INPP4B: variants seen among roughly 807,000 people sequenced by gnomAD.
INPP4B encodes inositol polyphosphate-4-phosphatase type II B.
Under a neutral mutation model 122.5 loss-of-function variants are expected in INPP4B, and 55 were observed. That is an observed-to-expected ratio of 0.45 (90% CI 0.36 to 0.56). INPP4B has a LOEUF of 0.56. Among genes scored for constraint, INPP4B ranks in the 20% least tolerant of loss-of-function variants. The pLI is 0.00. For synonymous variants in INPP4B, 403 were observed against 388.7 expected (o/e 1.04, Z -0.43); for missense variants, 1,000 against 1,097.7 (o/e 0.91, Z 1.26).
chr4:142,555,969 G>A (rs759556231), intron 2 of INPP4B, among the ~76,000 whole-genome samples: 1 of 151,996 alleles, frequency 6.6e-6, no homozygotes, highest in African/African-American at 2.4e-5. Context: ...AGATTTATAT[G>A]TATCTTTTCA....
intron 7 of INPP4B, among the ~76,000 whole-genome samples, chr4:142,372,571 A>C (rs1790323703): frequency 6.6e-6 from 1 of 152,092 alleles, no homozygotes; most frequent in South Asian, 2.1e-4. Flanking sequence ...AAAATATCAT[A>C]TGCATTGGGT....
chr4:142,320,073 C>T (rs546724542), intron 7 of INPP4B, among the ~76,000 whole-genome samples: 1 of 152,160 alleles, frequency 6.6e-6, no homozygotes, highest in Non-Finnish European at 1.5e-5. Flanking sequence ...GAACTGTGGT[C>T]TTCATTTTCT....
intron 1 of INPP4B, among the ~76,000 whole-genome samples, chr4:142,806,278 C>CAAAAAAAAAAAAAAAAAAAAAAAA (rs1175185594): frequency 1.9e-5 from 1 of 53,610 alleles, no homozygotes; most frequent in African/African-American, 7.3e-5. Context: ...GACTCCGTCT[C>CAAAAAAAAAAAAAAAAAAAAAAAA]AAAAAAAAAA....
chr4:142,711,311 T>G (rs72728615), intron 2 of INPP4B, among the ~76,000 whole-genome samples: 18,165 of 152,198 alleles, frequency 0.12, 1,236 homozygotes, highest in Non-Finnish European at 0.15. Context: ...TTTCCAGCTT[T>G]ATTTTTCTCC....
chr4:142,693,356 T>G (rs1391466125), intron 2 of INPP4B, among the ~76,000 whole-genome samples: 2 of 151,998 alleles, frequency 1.3e-5, no homozygotes, highest in African/African-American at 4.8e-5. Context: ...GACTGACTGC[T>G]TTCTTAGGCT....
At chr4:142,563,240 A>G (rs1377656614) in intron 2 of INPP4B, among the ~76,000 whole-genome samples, 1 of 152,236 alleles carries the variant, frequency 6.6e-6, no homozygotes, top group Non-Finnish European at 1.5e-5. Context: ...TATTGGCAAC[A>G]TGTCCACTGT....
At position 142,046,492 on chromosome 4, in the gene INPP4B, G is replaced by A. The variant is rs188629817; in HGVS notation, c.2643-17578C>T. On this transcript the variant is annotated intron_variant, in intron 25 of 25. Coordinates refer to ENST00000262992, the MANE Select transcript of INPP4B (RefSeq NM_001101669.3). ...TGAATGTAGTACAGTTGAAGGAGGC[G>A]GGTAATCAACTCAGGAGAAGGAAAG... 6.8e-4 allele frequency among the ~76,000 whole-genome samples: 104 copies of A among 152,072 alleles called. 1 individual carries two copies. Among genetic ancestry groups the A allele is most frequent in the African/African-American group, 2.5e-3 (102 of 41,518 alleles).
intron 12 of INPP4B, among the ~76,000 whole-genome samples, chr4:142,220,953 C>A (rs1483532491): frequency 1.3e-5 from 2 of 152,068 alleles, no homozygotes; most frequent in Non-Finnish European, 2.9e-5. Flanking sequence ...AAGCTAATCA[C>A]CTCTTTAAAG....
At chr4:142,639,853 A>G (rs983739627) in intron 2 of INPP4B, among the ~76,000 whole-genome samples, 2 of 152,170 alleles carry the variant, frequency 1.3e-5, no homozygotes, top group African/African-American at 4.8e-5. Context: ...CAGTTTTCCA[A>G]TTAAACCATA....
At chr4:142,584,112 G>A (rs1325369458) in intron 2 of INPP4B, among the ~76,000 whole-genome samples, 1 of 151,752 alleles carries the variant, frequency 6.6e-6, no homozygotes, top group Non-Finnish European at 1.5e-5. Context: ...CAAGTATAAA[G>A]GAAAAGAGAA....
chr4:142,755,991 G>A (rs1238019273), intron 1 of INPP4B, among the ~76,000 whole-genome samples: 1 of 151,940 alleles, frequency 6.6e-6, no homozygotes, highest in Non-Finnish European at 1.5e-5. Context: ...ATACTCCAAT[G>A]GCCTTATCTC....
At chr4:142,501,813 T>C (rs963139749) in intron 2 of INPP4B, among the ~76,000 whole-genome samples, 1 of 152,062 alleles carries the variant, frequency 6.6e-6, no homozygotes, top group African/African-American at 2.4e-5. Context: ...AAGAAAATAC[T>C]GTATGAGCTT....
At chr4:142,611,638 T>C (rs1296824967) in intron 2 of INPP4B, among the ~76,000 whole-genome samples, 2 of 8,590 alleles carry the variant, frequency 2.3e-4, no homozygotes, top group Non-Finnish European at 4.6e-4. Context: ...TTCTTTTTTC[T>C]TTTTTTTTTT....
At chr4:142,151,604 C>G (rs1450454824) in intron 17 of INPP4B, among the ~76,000 whole-genome samples, 1 of 152,136 alleles carries the variant, frequency 6.6e-6, no homozygotes, top group Non-Finnish European at 1.5e-5. Flanking sequence ...ATCACAAAAT[C>G]AGGTCTATCT....
chr4:142,560,884 C>A (rs1017611472), intron 2 of INPP4B, among the ~76,000 whole-genome samples: 5 of 152,166 alleles, frequency 3.3e-5, no homozygotes. Flanking sequence ...TCCTTCAATG[C>A]AGTCAAGTTG....
At chr4:142,768,402 A>G (rs1580869543) in intron 1 of INPP4B, among the ~76,000 whole-genome samples, 1 of 152,324 alleles carries the variant, frequency 6.6e-6, no homozygotes, top group African/African-American at 2.4e-5. Flanking sequence ...TACACAAAGT[A>G]GATAGCAACA....
chr4:142,633,287 A>T (rs574777462), intron 2 of INPP4B, among the ~76,000 whole-genome samples: 2 of 152,156 alleles, frequency 1.3e-5, no homozygotes, highest in Non-Finnish European at 2.9e-5. Context: ...AGTACTCAAT[A>T]ACAATTTGAA....
chr4:142,568,183 G>A (rs1230272526), intron 2 of INPP4B, among the ~76,000 whole-genome samples: 1 of 150,438 alleles, frequency 6.6e-6, no homozygotes, highest in Non-Finnish European at 1.5e-5. Flanking sequence ...CTGCTGGACA[G>A]AATTATAAAT....
At chr4:142,647,404 T>C (rs1752008598) in intron 2 of INPP4B, among the ~76,000 whole-genome samples, 1 of 152,178 alleles carries the variant, frequency 6.6e-6, no homozygotes, top group Admixed American at 6.5e-5. Flanking sequence ...CCCTTTCCTA[T>C]TTTTATTGGT....
Sources: gnomAD v4.1 joint callset for allele counts (sites outside exome capture counted in the v4.1 genomes callset) on GRCh38, gnomAD v4.1.1 for gene constraint, MANE v1.5 for transcripts, NCBI Gene and HGNC (gene_info 2026-07-23, HGNC 2026-07-21) for gene names.